Variants in SLC35F4 observed in about 807,000 individuals in gnomAD.
SLC35F4 encodes the protein chromosome 14 open reading frame 36.
Under a neutral mutation model 44.2 loss-of-function variants are expected in SLC35F4, and 24 were observed. The ratio of observed to expected loss-of-function variants is 0.54; its 90% CI spans 0.39 to 0.76. SLC35F4 has a LOEUF of 0.76. Ranked by LOEUF, SLC35F4 falls within the 30% of genes least tolerant of loss-of-function variation. The pLI, the probability that SLC35F4 is intolerant of heterozygous loss-of-function variation, is 0.00. For missense variants in SLC35F4, 562 were observed against 586.1 expected (o/e 0.96, Z 0.42); for synonymous variants, 238 against 223.6 (o/e 1.06, Z -0.57).
chr14:57,950,353 G>A (rs894713456), intron 1 of SLC35F4, among the ~76,000 whole-genome samples: 3 of 151,722 alleles, frequency 2.0e-5, no homozygotes, highest in East Asian at 1.9e-4. Context: ...ATTTCTTTAC[G>A]TGTGTCTTTC....
At chr14:57,646,303 C>T (rs965828268) in intron 1 of SLC35F4, among the ~76,000 whole-genome samples, 1 of 152,042 alleles carries the variant, frequency 6.6e-6, no homozygotes, top group Non-Finnish European at 1.5e-5. Context: ...ATTTCAGAGC[C>T]TGTTATTGTT....
chr14:57,833,409 A>G (rs897993397), intron 1 of SLC35F4, among the ~76,000 whole-genome samples: 2 of 152,200 alleles, frequency 1.3e-5, no homozygotes, highest in African/African-American at 4.8e-5. Flanking sequence ...GTGTTTTGGG[A>G]TAGAGCCCAG....
At chr14:57,854,738 T>C (rs764722634) in intron 1 of SLC35F4, among the ~76,000 whole-genome samples, 1 of 152,226 alleles carries the variant, frequency 6.6e-6, no homozygotes, top group Non-Finnish European at 1.5e-5. Context: ...TCTCTTTTAG[T>C]TCAGTCCATT....
intron 1 of SLC35F4, among the ~76,000 whole-genome samples, chr14:57,879,645 T>C (rs1888476999): frequency 6.6e-6 from 1 of 152,104 alleles, no homozygotes; most frequent in Non-Finnish European, 1.5e-5. Flanking sequence ...CAGGAGAATG[T>C]TTTTCAAGTC....
chr14:57,672,229 T>C (rs1044432231), intron 1 of SLC35F4, among the ~76,000 whole-genome samples: 1 of 152,048 alleles, frequency 6.6e-6, no homozygotes, highest in Non-Finnish European at 1.5e-5. Flanking sequence ...TGTCACCCCT[T>C]GTATCACCTT....
intron 1 of SLC35F4, among the ~76,000 whole-genome samples, chr14:57,722,711 C>T (rs1466764089): frequency 6.6e-6 from 1 of 152,178 alleles, no homozygotes; most frequent in Admixed American, 6.5e-5. Context: ...CTGGCATTGG[C>T]TAATTAATCA....
intron 1 of SLC35F4, among the ~76,000 whole-genome samples, chr14:57,829,024 C>G (rs1394348134): frequency 6.6e-6 from 1 of 152,178 alleles, no homozygotes; most frequent in Non-Finnish European, 1.5e-5. Context: ...TATGCACATG[C>G]TTATTAGGTT....
intron 1 of SLC35F4, among the ~76,000 whole-genome samples, chr14:57,896,537 G>A (rs1888874106): frequency 6.6e-6 from 1 of 152,174 alleles, no homozygotes; most frequent in South Asian, 2.1e-4. Context: ...TATATGTGAT[G>A]TATATGTATA....
chr14:57,756,922 A>C (rs552298684), intron 1 of SLC35F4, among the ~76,000 whole-genome samples: 2 of 152,030 alleles, frequency 1.3e-5, no homozygotes, highest in African/African-American at 4.8e-5. Flanking sequence ...ATGGCCTCCC[A>C]AAGTGTTGGG....
intron 1 of SLC35F4, among the ~76,000 whole-genome samples, chr14:57,687,794 G>A (rs551149403): frequency 2.0e-5 from 3 of 151,994 alleles, no homozygotes; most frequent in Non-Finnish European, 4.4e-5. Flanking sequence ...TCCTTTATTT[G>A]CAAAAAGAAA....
intron 1 of SLC35F4, among the ~76,000 whole-genome samples, chr14:57,965,113 A>G (rs1890415059): frequency 6.6e-6 from 1 of 151,968 alleles, no homozygotes; most frequent in Admixed American, 6.5e-5. Context: ...GATTAAACCA[A>G]CACAAAATTA....
intron 1 of SLC35F4, among the ~76,000 whole-genome samples, chr14:57,775,440 G>C (rs557525010): frequency 6.6e-6 from 1 of 152,184 alleles, no homozygotes; most frequent in Non-Finnish European, 1.5e-5. Context: ...CAGCCCCTCC[G>C]GTACAGCAGG....
chr14:57,789,360 A>G (rs922836776), intron 1 of SLC35F4, among the ~76,000 whole-genome samples: 1 of 152,238 alleles, frequency 6.6e-6, no homozygotes, highest in African/African-American at 2.4e-5. Context: ...AGAGAATACC[A>G]TAAACACTTC....
At chr14:57,734,039 C>T (rs74053001) in intron 1 of SLC35F4, among the ~76,000 whole-genome samples, 6,786 of 152,180 alleles carry the variant, frequency 0.045, 372 homozygotes, top group African/African-American at 0.13. Context: ...TCCATGAGCC[C>T]CATGTAGCGT....
intron 1 of SLC35F4, among the ~76,000 whole-genome samples, chr14:57,629,438 A>C (rs999615342): frequency 6.6e-6 from 1 of 152,118 alleles, no homozygotes; most frequent in Non-Finnish European, 1.5e-5. Context: ...TATAAATGTA[A>C]ATGTGACTAA....
chr14:57,588,659 G>C (rs1190312), intron 3 of SLC35F4, among the ~76,000 whole-genome samples: 94,301 of 152,024 alleles, frequency 0.62, 29,748 homozygotes, highest in East Asian at 0.87. Context: ...GTGCATCTAG[G>C]CAGCAAAGAG....
At chr14:57,789,800 A>G (rs1177149039) in intron 1 of SLC35F4, among the ~76,000 whole-genome samples, 1 of 152,218 alleles carries the variant, frequency 6.6e-6, no homozygotes, top group Admixed American at 6.5e-5. Flanking sequence ...ATCCACCATT[A>G]TCAAGTTGGC....
chr14:57,973,970 T>G (rs568664889), downstream of SLC35F4, among the ~76,000 whole-genome samples: 1 of 152,300 alleles, frequency 6.6e-6, no homozygotes, highest in South Asian at 2.1e-4. Context: ...AGTACTCCAG[T>G]TGTCTATTGC....
chr14:57,900,830 A>G (rs1236366787), intron 1 of SLC35F4, among the ~76,000 whole-genome samples: 1 of 152,012 alleles, frequency 6.6e-6, no homozygotes, highest in Non-Finnish European at 1.5e-5. Flanking sequence ...AATTTACAAG[A>G]AAAAAAACCC....
Sources: gnomAD v4.1 joint callset for allele counts (sites outside exome capture counted in the v4.1 genomes callset) on GRCh38, gnomAD v4.1.1 for gene constraint, MANE v1.5 for transcripts, NCBI Gene and HGNC (gene_info 2026-07-23, HGNC 2026-07-21) for gene names.